Variants in COL28A1 observed in about 807,000 individuals in gnomAD.
COL28A1 encodes the protein collagen alpha-1(XXVIII) chain.
Under a neutral mutation model 150.2 loss-of-function variants are expected in COL28A1, and 161 were observed. The observed-to-expected ratio is 1.07, with a 90% CI of 0.94 to 1.22. COL28A1 has a LOEUF of 1.22. Among genes scored for constraint, COL28A1 ranks in the 50% most tolerant of loss-of-function variants. COL28A1 has a pLI of 0.00. For synonymous variants in COL28A1, 552 were observed against 469.7 expected (o/e 1.18, Z -2.26); for missense variants, 1,617 against 1,388.3 (o/e 1.16, Z -2.62).
At chr7:7,358,848 C>CG in intron 34 of COL28A1, 43 bp from the exon 35 acceptor site, 1 of 1,496,036 alleles carries the variant, frequency 6.7e-7, no homozygotes, top group Non-Finnish European at 9.1e-7. Context: ...TTTTCTTATA[C>CG]TGAAGACATG....
chr7:7,372,959 C>T, intron 32 of COL28A1, 39 bp downstream of exon 32: 1 of 1,562,024 alleles, frequency 6.4e-7, no homozygotes, highest in Non-Finnish European at 8.7e-7. Flanking sequence ...AGAGGAACAA[C>T]ATAAATGCCT....
chr7:7,357,887 G>A lies in COL28A1; in HGVS notation c.*746C>T, dbSNP rs1262300912. ...TGCCAACTTCAAGTGGTTCCTGGCTGTCAAGGGCCTTCCCATTCCACTCCA... is the reference window on the plus strand; with the variant it reads ...TGCCAACTTCAAGTGGTTCCTGGCTATCAAGGGCCTTCCCATTCCACTCCA... On this transcript the variant is annotated 3_prime_UTR_variant, in exon 35 of 35. Transcript: ENST00000399429. 2 of 152,098 alleles carry A rather than the reference G, an allele frequency of 1.3e-5. No homozygotes were observed. The highest frequency in any genetic ancestry group is 3.9e-4 in the East Asian group (2 of 5,186). 9.4% of individuals were successfully genotyped at this position (152,098 alleles called of 1,614,324 possible).
chr7:7,338,751 GACTGTGTAGTTTCTCCT>G, the COL28A1 span, among the ~76,000 whole-genome samples: 1 of 152,040 alleles, frequency 6.6e-6, no homozygotes, highest in Non-Finnish European at 1.5e-5. Context: ...TTTACAGTGA[GACTGTGTAGTTTCTCCT>G]ACCAAGAGGT....
intron 9 of COL28A1, among the ~76,000 whole-genome samples, chr7:7,510,202 ACT>A (rs777818590): frequency 1.3e-5 from 2 of 151,542 alleles, no homozygotes; most frequent in South Asian, 2.1e-4. Context: ...TTTCAGATAT[ACT>A]CTCTGTATAT....
chr7:7,461,768 C>T (rs1787646483), intron 15 of COL28A1, among the ~76,000 whole-genome samples: 1 of 152,152 alleles, frequency 6.6e-6, no homozygotes, highest in African/African-American at 2.4e-5. Context: ...CTCAGAAACA[C>T]CTAGCCTTGC....
intron 15 of COL28A1, among the ~76,000 whole-genome samples, chr7:7,461,550 C>G (rs373532038): frequency 1.3e-5 from 2 of 152,092 alleles, no homozygotes; most frequent in African/African-American, 4.8e-5. Context: ...TGGGAGGGCA[C>G]GGTGGGAGTC....
chr7:7,413,935 T>C (rs1783925636), intron 27 of COL28A1, among the ~76,000 whole-genome samples: 1 of 152,196 alleles, frequency 6.6e-6, no homozygotes, highest in South Asian at 2.1e-4. Context: ...CAAGGAGGGC[T>C]ACCAGGAATT....
chr7:7,431,388 A>G, intron 25 of COL28A1: 1 of 365,616 alleles, frequency 2.7e-6, no homozygotes, highest in East Asian at 7.5e-5. Flanking sequence ...ATAAATGAGG[A>G]AGATGATCTC....
At chr7:7,376,691 T>C (rs896169675) in intron 30 of COL28A1, among the ~76,000 whole-genome samples, 1 of 146,996 alleles carries the variant, frequency 6.8e-6, no homozygotes, top group African/African-American at 2.5e-5. Flanking sequence ...ATATATGTAT[T>C]TATATATTTA....
intron 11 of COL28A1, among the ~76,000 whole-genome samples, chr7:7,492,477 C>A (rs552891603): frequency 8.7e-5 from 13 of 149,982 alleles, no homozygotes; most frequent in African/African-American, 2.9e-4. Context: ...CCCAGCTACT[C>A]GGGAGGCTGA....
intron 9 of COL28A1, among the ~76,000 whole-genome samples, chr7:7,508,722 C>T (rs1359840523): frequency 1.3e-5 from 2 of 152,128 alleles, no homozygotes; most frequent in Non-Finnish European, 2.9e-5. Flanking sequence ...TGCTCTGTTG[C>T]CCAGGCTGGA....
chr7:7,414,933 A>C (rs1213023695), intron 27 of COL28A1, among the ~76,000 whole-genome samples: 1 of 152,162 alleles, frequency 6.6e-6, no homozygotes. Flanking sequence ...ATAGCCTGTA[A>C]ATTCCATGAG....
intron 27 of COL28A1, 119 bp downstream of exon 27, chr7:7,417,740 A>C: frequency 1.2e-6 from 1 of 813,492 alleles, no homozygotes. Context: ...GATGCCATTT[A>C]ACTGCGAGGC....
At chr7:7,480,625 C>T (rs1350257201) in intron 13 of COL28A1, among the ~76,000 whole-genome samples, 1 of 151,748 alleles carries the variant, frequency 6.6e-6, no homozygotes, top group South Asian at 2.1e-4. Context: ...TGAAAAAAAA[C>T]ACAATTTATA....
At position 7,424,949 on chromosome 7, in the gene COL28A1, T is replaced by C. The variant is rs568429726; in HGVS notation, c.1999-4996A>G. 6.6e-4 allele frequency among the ~76,000 whole-genome samples: 101 copies of C among 152,294 alleles called. 2 individuals carry two copies. In the South Asian group the frequency reaches 0.02, roughly 30 times the overall value. On this transcript the variant is annotated intron_variant, in intron 25 of 34. Transcript: ENST00000399429. ...TTTAAAAATACACATCATCTTATGA[T>C]GGTTCTAAAACTCACACATTGAAGC...
chr7:7,449,369 T>C (rs1405935259), intron 18 of COL28A1, among the ~76,000 whole-genome samples: 1 of 152,010 alleles, frequency 6.6e-6, no homozygotes, highest in African/African-American at 2.4e-5. Context: ...ATTTAATAAG[T>C]AACTTTTGGT....
chr7:7,396,817 T>C (rs1583287045), intron 27 of COL28A1, among the ~76,000 whole-genome samples: 1 of 152,152 alleles, frequency 6.6e-6, no homozygotes, highest in African/African-American at 2.4e-5. Flanking sequence ...GGCAGAGAAA[T>C]AGTTGACCTT....
At chr7:7,415,992 G>A (rs1230595011) in intron 27 of COL28A1, among the ~76,000 whole-genome samples, 4 of 152,018 alleles carry the variant, frequency 2.6e-5, no homozygotes, top group Non-Finnish European at 5.9e-5. Flanking sequence ...TAGTAGACAC[G>A]GGGTTTCACC....
At chr7:7,538,862 A>T (rs1418938876), upstream of COL28A1, among the ~76,000 whole-genome samples, 1 of 152,026 alleles carries the variant, frequency 6.6e-6, no homozygotes, top group African/African-American at 2.4e-5. Flanking sequence ...GTAGAAAAAA[A>T]AAAACATTAC....
Sources: allele counts gnomAD v4.1 joint callset (sites outside exome capture counted in the v4.1 genomes callset), GRCh38; gene constraint gnomAD v4.1.1; transcripts MANE v1.5; gene names NCBI Gene and HGNC (gene_info 2026-07-23, HGNC 2026-07-21).